Variants in TBP observed in about 807,000 individuals in gnomAD.
TBP encodes the protein TATA-box-binding protein.
TBP carries 12 observed loss-of-function variants against 46.2 expected under a neutral mutation model. The ratio of observed to expected loss-of-function variants is 0.26; its 90% CI spans 0.17 to 0.42. The LOEUF is 0.42. Among genes scored for constraint, TBP ranks in the 10% least tolerant of loss-of-function variants. The pLI is 1.00. For synonymous variants in TBP, 157 were observed against 148.3 expected (o/e 1.06, Z -0.42); for missense variants, 229 against 403.1 (o/e 0.57, Z 3.70).
chr6:170,569,783 A>G lies in TBP; in HGVS notation c.845+4A>G, dbSNP rs1436042406. 1 of 1,610,944 alleles carries G rather than the reference A, an allele frequency of 6.2e-7. No individual in the cohort carries two copies. The highest frequency in any genetic ancestry group is 2.2e-5 in the East Asian group (1 of 44,854). On this transcript the variant is annotated splice_donor_region_variant and intron_variant, in intron 6 of 7. Transcript: ENST00000392092. ...TCACCCACCAACAATTTAGTAGGTA[A>G]GTCTGAAATGTATTATGATTGTTAT...
intron 7 of TBP, among the ~76,000 whole-genome samples, chr6:170,571,933 T>A (rs1351691089): frequency 6.6e-6 from 1 of 151,706 alleles, no homozygotes; most frequent in African/African-American, 2.4e-5. Context: ...AGGAGAGAAG[T>A]GTGAATACAT....
chr6:170,568,085 T>C (rs1192642348), intron 5 of TBP, among the ~76,000 whole-genome samples: 1 of 152,196 alleles, frequency 6.6e-6, no homozygotes, highest in Admixed American at 6.5e-5. Context: ...TGGCTCCTGA[T>C]CTCCGAGGTT....
chr6:170,558,011 C>T (rs1583124619), intron 2 of TBP, among the ~76,000 whole-genome samples: 1 of 152,102 alleles, frequency 6.6e-6, no homozygotes, highest in African/African-American at 2.4e-5. Flanking sequence ...TGTCTGACTT[C>T]TTAGCCCAGT....
At chr6:170,560,255 T>C (rs1047996445) in intron 2 of TBP, among the ~76,000 whole-genome samples, 1 of 151,938 alleles carries the variant, frequency 6.6e-6, no homozygotes, top group Non-Finnish European at 1.5e-5. Context: ...TCTCAGTACT[T>C]TGGGAGGCCA....
chr6:170,564,664 TTTC>T, intron 4 of TBP, 32 bp downstream of exon 4: 1 of 1,502,516 alleles, frequency 6.7e-7, no homozygotes, highest in Non-Finnish European at 9.1e-7. Context: ...TTCTTTTTTT[TTTC>T]TTTTTTGTCT....
rs766310518 is a variant in TBP, at chr6:170,561,967, G to GCAACAGCAA, written c.233_234insACAGCAACA (p.Gln93_Gln95dup). 8.5e-6 allele frequency: 6 copies of GCAACAGCAA among 708,504 alleles called. No individual in the cohort carries two copies. Among genetic ancestry groups the GCAACAGCAA allele is most frequent in the Non-Finnish European group, 1.1e-5 (6 of 558,256 alleles). 43.9% of individuals were successfully genotyped at this position (708,504 alleles called of 1,614,324 possible). A position where few individuals can be genotyped will look rare whatever the true frequency, so the allele number is the denominator to read the frequency against. On this transcript the variant is annotated inframe_insertion, in exon 3 of 8. Transcript: ENST00000392092. ...AGCAGCAGCAACAGCAACAGCAGCA[G>GCAACAGCAA]CAGCAGCAGCAGCAGCAGCAGCAGC...
At position 170,568,815 on chromosome 6, in the gene TBP, C is replaced by CTTTTTTTTTTTTTTTTTTT. The variant is rs377394208; in HGVS notation, c.678-788_678-770dup. 1.5e-3 allele frequency among the ~76,000 whole-genome samples: 97 copies of CTTTTTTTTTTTTTTTTTTT among 62,598 alleles called. 34 individuals carry two copies. The highest frequency in any genetic ancestry group is 2.4e-3 in the African/African-American group (36 of 14,822). 41.1% of individuals were successfully genotyped at this position (62,598 alleles called of 152,430 possible). ...TTCTCTTCTTTCTTTCTTTCCTTTTCTTTTTTTTTTTTTTTTTTTTTTTTT... is the reference window on the plus strand; with the variant it reads ...TTCTCTTCTTTCTTTCTTTCCTTTTCTTTTTTTTTTTTTTTTTTTTTTTTTTTTTTTTTTTTTTTTTTTT... On this transcript the variant is annotated intron_variant, in intron 5 of 7. Transcript: ENST00000392092.
At chr6:170,570,366 C>G (rs1307976450) in intron 6 of TBP, among the ~76,000 whole-genome samples, 1 of 152,162 alleles carries the variant, frequency 6.6e-6, no homozygotes, top group African/African-American at 2.4e-5. Context: ...GCCTAGTATG[C>G]TCATTTCCCT....
At chr6:170,566,455 A>G (rs187412646) in intron 4 of TBP, among the ~76,000 whole-genome samples, 8 of 152,352 alleles carry the variant, frequency 5.3e-5, no homozygotes, top group Non-Finnish European at 1.0e-4. Context: ...TTCATTACGT[A>G]TTGATAGGCT....
In TBP at chr6:170,561,867, A is replaced by C. The variant is rs761867883; in HGVS notation, c.131A>C (p.Gln44Pro). 1.9e-6 allele frequency: 3 copies of C among 1,614,162 alleles called. No homozygotes were observed. Among genetic ancestry groups the C allele is most frequent in the East Asian group, 4.5e-5 (2 of 44,878 alleles). Residue 44 changes from glutamine (Q) to proline (P), a missense_variant, in exon 3 of 8, where the codon CAG becomes CCG. Around this residue, in one of 4 missense-constraint regions of TBP, gnomAD observed 49 missense variants for 94.7 expected, o/e 0.52. Transcript: ENST00000392092. ...ACTGGACTGACCCCACAGCCTATTC[A>C]GAACACCAATAGTCTGTCTATTTTG... ...YGTGLTPQPI[Q>P]NTNSLSILEE... is the part of the protein sequence containing the mutation.
chr6:170,564,321 G>A (rs1779203073), intron 3 of TBP, among the ~76,000 whole-genome samples: 1 of 152,078 alleles, frequency 6.6e-6, no homozygotes, highest in South Asian at 2.1e-4. Context: ...ATCCAAATGT[G>A]GGAATACTGG....
chr6:170,557,267 G>C (rs1203501817), intron 2 of TBP, among the ~76,000 whole-genome samples, 184 bp downstream of exon 2: 1 of 152,162 alleles, frequency 6.6e-6, no homozygotes, highest in Non-Finnish European at 1.5e-5. Context: ...TATTTGGGAA[G>C]TCTGGAAGCT....
At position 170,562,216 on chromosome 6, in the gene TBP, G is replaced by A; in HGVS notation, c.480G>A (p.Gly160=). ...TPATPASESS[G]IVPQLQNIVS... ...CCACGCCAGCTTCGGAGAGTTCTGG[G>A]ATTGTACCGCAGCTGCAGTGAGTAC... Residue 160 remains glycine (G), a synonymous_variant, in exon 3 of 8, where the codon GGG becomes GGA. Transcript: ENST00000392092. 6 of 1,614,016 alleles carry A rather than the reference G, an allele frequency of 3.7e-6. No homozygotes were observed. Among genetic ancestry groups the A allele is most frequent in the Non-Finnish European group, 5.1e-6 (6 of 1,179,910 alleles).
At chr6:170,557,509 C>T (rs1326989465) in intron 2 of TBP, among the ~76,000 whole-genome samples, 3 of 151,862 alleles carry the variant, frequency 2.0e-5, no homozygotes, top group African/African-American at 4.8e-5. Flanking sequence ...CCAAGGTGGG[C>T]GGATCACCTG....
chr6:170,568,794 C>CTTCT lies in TBP; in HGVS notation c.678-806_678-803dup, dbSNP rs1554246725. On this transcript the variant is annotated intron_variant, in intron 5 of 7. Transcript: ENST00000392092. ...TCTCTTTTATTTTTTCTTTTTTTCT[C>CTTCT]TTCTTTCTTTCTTTCCTTTTCTTTT... is the stretch of plus-strand genomic sequence containing the variant. Among the ~76,000 whole-genome samples, 2 of 57,436 alleles carry CTTCT rather than the reference C, an allele frequency of 3.5e-5. 1 individual carries two copies. The highest frequency in any genetic ancestry group is 6.6e-5 in the Non-Finnish European group (2 of 30,086). 37.7% of individuals were successfully genotyped at this position (57,436 alleles called of 152,430 possible). A position where few individuals can be genotyped will look rare whatever the true frequency, so the allele number is the denominator to read the frequency against.
chr6:170,565,239 A>G (rs978308372), intron 4 of TBP, among the ~76,000 whole-genome samples: 21 of 152,298 alleles, frequency 1.4e-4, no homozygotes, highest in African/African-American at 4.8e-4. Context: ...TAAAATGTGC[A>G]TTGTTTTGTA....
chr6:170,556,709 G>T (rs570906454), intron 1 of TBP, among the ~76,000 whole-genome samples, 173 bp from the exon 2 acceptor site: 12 of 152,048 alleles, frequency 7.9e-5, no homozygotes, highest in Non-Finnish European at 1.5e-4. Context: ...ACATGCAATC[G>T]CCGGAAACAT....
chr6:170,561,658 A>G, intron 2 of TBP, 133 bp from the exon 3 acceptor site: 1 of 1,484,710 alleles, frequency 6.7e-7, no homozygotes, highest in African/African-American at 1.4e-5. Flanking sequence ...TTCTTCCGTA[A>G]TTAATGTTTA....
intron 1 of TBP, among the ~76,000 whole-genome samples, chr6:170,555,472 TGA>T (rs1779003065): frequency 6.6e-6 from 1 of 152,252 alleles, no homozygotes; most frequent in African/African-American, 2.4e-5. Flanking sequence ...TCTGCTGCAG[TGA>T]CCTTCTATAC....
Sources: allele counts gnomAD v4.1 joint callset (sites outside exome capture counted in the v4.1 genomes callset), GRCh38; gene constraint gnomAD v4.1.1; regional missense constraint gnomAD v4.1.1; transcripts MANE v1.5; gene names NCBI Gene and HGNC (gene_info 2026-07-23, HGNC 2026-07-21).